The following QKI variants were observed in gnomAD, a reference collection of about 807,000 sequenced individuals.
QKI encodes the protein KH domain-containing RNA-binding protein QKI.
QKI carries 10 observed loss-of-function variants against 39.0 expected under a neutral mutation model. The observed-to-expected ratio is 0.26, with a 90% CI of 0.16 to 0.43. QKI has a LOEUF of 0.43. QKI is among the 20% of genes least tolerant of loss of function. QKI has a pLI of 1.00. For missense variants in QKI, 218 were observed against 428.0 expected (o/e 0.51, Z 4.33); for synonymous variants, 204 against 155.4 (o/e 1.31, Z -2.33).
chr6:163,429,719 A>G (rs571310254), intron 1 of QKI, among the ~76,000 whole-genome samples: 2 of 152,250 alleles, frequency 1.3e-5, no homozygotes, highest in Admixed American at 1.3e-4. Context: ...ATGCAACGTG[A>G]TTTTCGAATA....
chr6:163,521,646 C>T (rs747252246), intron 3 of QKI, among the ~76,000 whole-genome samples: 122 of 152,128 alleles, frequency 8.0e-4, no homozygotes, highest in Non-Finnish European at 1.3e-3. Context: ...CCTCAGCCTC[C>T]CGGGTAGCTG....
chr6:163,494,289 T>TA, intron 3 of QKI, among the ~76,000 whole-genome samples: 1 of 152,240 alleles, frequency 6.6e-6, no homozygotes, highest in Non-Finnish European at 1.5e-5. Context: ...TCTGTGCAAA[T>TA]ACTGTACCTT....
intron 1 of QKI, among the ~76,000 whole-genome samples, chr6:163,422,242 C>T (rs375158543): frequency 1.3e-4 from 20 of 152,152 alleles, no homozygotes; most frequent in East Asian, 9.7e-4. Context: ...TTTGAAAATC[C>T]GGCAATCCTA....
intron 1 of QKI, 68 bp from the exon 2 acceptor site, chr6:163,455,211 C>G: frequency 2.2e-6 from 3 of 1,367,412 alleles, no homozygotes; most frequent in Non-Finnish European, 2.0e-6. Flanking sequence ...CCTGCCCTCT[C>G]TTTTTTCCTC....
chr6:163,508,516 CTTTCTTTCTTTCTTTCTT>C (rs1465588497), intron 3 of QKI, among the ~76,000 whole-genome samples: 1 of 42,280 alleles, frequency 2.4e-5, no homozygotes, highest in Admixed American at 2.7e-4. Flanking sequence ...TTCTTTCTTT[CTTTCTTTCTTTCTTTCTT>C]TTTTTTTTTT....
chr6:163,422,677 A>C (rs1019415984), intron 1 of QKI, among the ~76,000 whole-genome samples: 1 of 152,198 alleles, frequency 6.6e-6, no homozygotes, highest in Non-Finnish European at 1.5e-5. Context: ...GTGTGCAGGC[A>C]TTTATATCTG....
chr6:163,434,490 C>T (rs1005648248), intron 1 of QKI, among the ~76,000 whole-genome samples: 5 of 151,874 alleles, frequency 3.3e-5, no homozygotes, highest in Non-Finnish European at 7.4e-5. Flanking sequence ...CTGAGGCGGG[C>T]GGATCATGAG....
Position 163,564,290 on chromosome 6 carries a change from C to T in QKI, c.934+571C>T, listed in dbSNP as rs964084523. 8 of 1,002,566 alleles carry T rather than the reference C, an allele frequency of 8.0e-6. 1 individual carries two copies. Among genetic ancestry groups the T allele is most frequent in the South Asian group, 7.4e-5 (2 of 26,932 alleles). The allele number at this position is 1,002,566 out of a possible 1,614,324, so 62.1% of individuals were successfully genotyped here. On this transcript the variant is annotated intron_variant, in intron 6 of 7. Coordinates refer to ENST00000361752, the MANE Select transcript of QKI (RefSeq NM_006775.3). ...TCTGGCAGTTTCATCATTTGGTGTACATCATAGAGTGTACTTACACAGACA... is the reference window on the plus strand; with the variant it reads ...TCTGGCAGTTTCATCATTTGGTGTATATCATAGAGTGTACTTACACAGACA...
intron 1 of QKI, among the ~76,000 whole-genome samples, chr6:163,445,468 A>T (rs1790077266): frequency 6.6e-6 from 1 of 152,092 alleles, no homozygotes; most frequent in South Asian, 2.1e-4. Context: ...ACACTTTTGA[A>T]GAATGCTAGT....
intron 3 of QKI, among the ~76,000 whole-genome samples, chr6:163,481,847 A>T (rs1479711026): frequency 6.6e-6 from 1 of 152,032 alleles, no homozygotes; most frequent in Non-Finnish European, 1.5e-5. Context: ...AGCCTTGGGG[A>T]GGTTGAGTAA....
chr6:163,513,065 CTATTT>C (rs1245936801), intron 3 of QKI, among the ~76,000 whole-genome samples: 1 of 152,204 alleles, frequency 6.6e-6, no homozygotes, highest in African/African-American at 2.4e-5. Context: ...TTGTTATACT[CTATTT>C]TATTGTTGTT....
At chr6:163,430,755 G>C (rs1788758944) in intron 1 of QKI, among the ~76,000 whole-genome samples, 1 of 152,144 alleles carries the variant, frequency 6.6e-6, no homozygotes, top group Non-Finnish European at 1.5e-5. Flanking sequence ...TAGGTTGGAA[G>C]TGAGAGAACA....
chr6:163,512,569 C>G (rs2128235417), intron 3 of QKI, among the ~76,000 whole-genome samples: 1 of 152,092 alleles, frequency 6.6e-6, no homozygotes, highest in African/African-American at 2.4e-5. Context: ...CACACAACTC[C>G]TAATAACTGA....
chr6:163,544,893 T>C (rs1781774464), intron 4 of QKI, among the ~76,000 whole-genome samples: 1 of 152,142 alleles, frequency 6.6e-6, no homozygotes, highest in African/African-American at 2.4e-5. Context: ...ATTTTTTGTT[T>C]ATATATTAAT....
chr6:163,415,126 C>G lies in QKI; in HGVS notation c.-68C>G. On this transcript the variant is annotated 5_prime_UTR_variant, in exon 1 of 8. Transcript: ENST00000361752. The stretch of plus-strand genomic sequence containing the variant: ...AGCGGCCCGCGGCCGGGGCTCGCCC[C>G]CGCCCCTCCCTCCTCTCCGGCGGCG... 1 of 1,222,002 alleles carries G rather than the reference C, an allele frequency of 8.2e-7. No homozygotes were observed. The highest frequency in any genetic ancestry group is 1.0e-6 in the Non-Finnish European group (1 of 958,338). The allele number at this position is 1,222,002 out of a possible 1,614,324, so 75.7% of individuals were successfully genotyped here.
chr6:163,468,446 C>T (rs1315567204), intron 2 of QKI, among the ~76,000 whole-genome samples: 2 of 151,962 alleles, frequency 1.3e-5, no homozygotes, highest in Non-Finnish European at 2.9e-5. Context: ...TAATGTGTTG[C>T]AGGAGTTTAT....
intron 1 of QKI, among the ~76,000 whole-genome samples, chr6:163,435,285 T>C (rs1190667999): frequency 1.3e-5 from 2 of 152,192 alleles, no homozygotes; most frequent in Non-Finnish European, 2.9e-5. Flanking sequence ...CTTAGAATGA[T>C]TTTGCCGGCA....
chr6:163,530,156 A>G (rs1780763873), intron 3 of QKI, among the ~76,000 whole-genome samples: 1 of 152,226 alleles, frequency 6.6e-6, no homozygotes, highest in African/African-American at 2.4e-5. Context: ...TTTTTTCCAC[A>G]TCAGTATCTC....
intron 1 of QKI, among the ~76,000 whole-genome samples, chr6:163,420,094 A>C (rs1416778096): frequency 1.4e-5 from 2 of 147,986 alleles, no homozygotes; most frequent in Non-Finnish European, 3.0e-5. Flanking sequence ...CCGAAGCATG[A>C]TTCAGATTCT....
Sources: gnomAD v4.1 joint callset for allele counts (sites outside exome capture counted in the v4.1 genomes callset) on GRCh38, gnomAD v4.1.1 for gene constraint, MANE v1.5 for transcripts, NCBI Gene and HGNC (gene_info 2026-07-23, HGNC 2026-07-21) for gene names.